Variants in DLEC1 observed in about 807,000 individuals in gnomAD.
DLEC1 encodes the protein DLEC1 cilia and flagella associated protein, also known as deleted in lung and esophageal cancer protein 1.
DLEC1 carries 146 observed loss-of-function variants against 198.1 expected under a neutral mutation model. That is an observed-to-expected ratio of 0.74 (90% CI 0.64 to 0.85). The LOEUF is 0.85. Ranked by LOEUF, DLEC1 falls within the 40% of genes least tolerant of loss-of-function variation. The probability of loss-of-function intolerance (pLI) is 0.00; values close to 1 mark genes in which losing one functional copy is unlikely to be tolerated. For synonymous variants in DLEC1, 897 were observed against 866.8 expected, an observed-to-expected ratio of 1.03 and a Z score of -0.61; for missense variants, 2,233 against 2,220.0, an observed-to-expected ratio of 1.01 and a Z score of -0.12.
intron 6 of DLEC1, among the ~76,000 whole-genome samples, chr3:38,079,336 G>A (rs920400297): frequency 6.6e-6 from 1 of 152,212 alleles, no homozygotes; most frequent in Non-Finnish European, 1.5e-5. Context: ...GGAGTTTTAA[G>A]AGGTTTAGAA....
At chr3:38,070,996 C>T (rs879014473) in intron 6 of DLEC1, among the ~76,000 whole-genome samples, 4 of 151,694 alleles carry the variant, frequency 2.6e-5, no homozygotes, top group East Asian at 1.9e-4. Flanking sequence ...GTTGGGGTGG[C>T]GAAAATTTTT....
At chr3:38,099,830 G>A (rs886876706) in intron 18 of DLEC1, among the ~76,000 whole-genome samples, 2 of 151,906 alleles carry the variant, frequency 1.3e-5, no homozygotes. Flanking sequence ...GGGACAGAAG[G>A]AAGGGGTGGG....
At chr3:38,084,303 GTA>G in intron 7 of DLEC1, 58 bp downstream of exon 7, 3 of 1,440,228 alleles carry the variant, frequency 2.1e-6, no homozygotes. Context: ...GGTGGTATTA[GTA>G]GTAATAGTAG....
At chr3:38,084,462 A>ATAGTAGTGGTGGTGG (rs1698285818) in intron 7 of DLEC1, among the ~76,000 whole-genome samples, 1 of 19,222 alleles carries the variant, frequency 5.2e-5, no homozygotes, top group African/African-American at 2.3e-4. Flanking sequence ...GGTAGTAGTA[A>ATAGTAGTGGTGGTGG]TAGTAGTGGT....
intron 2 of DLEC1, among the ~76,000 whole-genome samples, chr3:38,052,635 C>CA (rs772250514): frequency 2.6e-5 from 4 of 152,198 alleles, no homozygotes; most frequent in Non-Finnish European, 4.4e-5. Flanking sequence ...ACTGCGCCCT[C>CA]AAAGATGATG....
rs746456569 is a variant in DLEC1 at position 38,120,600 on chromosome 3, G to C, written c.4857G>C (p.Gln1619His). 6.2e-7 allele frequency: 1 copy of C among 1,613,308 alleles called. No individual in the cohort carries two copies. Among genetic ancestry groups the C allele is most frequent in the Admixed American group, 1.7e-5 (1 of 60,030 alleles). Residue 1619 changes from glutamine to histidine, a missense_variant, in exon 34 of 37, where the codon CAG becomes CAC. Coordinates refer to ENST00000308059, the MANE Select transcript of DLEC1 (RefSeq NM_007335.4). ...ACCTGCTCCTGGAGTACACCAACCAGACCACTCAGGCACGCCCCAGGCCCA... is the reference window on the plus strand; with the variant it reads ...ACCTGCTCCTGGAGTACACCAACCACACCACTCAGGCACGCCCCAGGCCCA... The part of the protein sequence containing the change: ...TQNLLLEYTN[Q>H]TTQVVPLRAV...
In DLEC1 at chr3:38,093,764, C is replaced by G; in HGVS notation, c.1916C>G (p.Ala639Gly). The G allele has an allele frequency of 6.2e-7, 1 of 1,613,898 alleles. No homozygotes were observed. Among genetic ancestry groups the G allele is most frequent in the Non-Finnish European group, 8.5e-7 (1 of 1,179,984 alleles). Reference protein sequence around the residue: ...TARKQLIIRNATHVELAFYWQ... With the variant: ...TARKQLIIRNGTHVELAFYWQ... Reference sequence around the variant, plus strand: ...AGGAAGCAGCTGATTATTAGAAATGCTACGTGGGTAACCCCTGTGTGTGCC... The same window carrying G: ...AGGAAGCAGCTGATTATTAGAAATGGTACGTGGGTAACCCCTGTGTGTGCC... Residue 639 changes from alanine (A) to glycine (G), a missense_variant, in exon 12 of 37, where the codon GCT (alanine) becomes GGT (glycine). Coordinates refer to ENST00000308059, the MANE Select transcript of DLEC1 (RefSeq NM_007335.4).
chr3:38,039,721 C>G lies in DLEC1; in HGVS notation c.411+85C>G, dbSNP rs1415988176. 2.7e-6 allele frequency: 4 copies of G among 1,491,962 alleles called. No homozygotes were observed. The African/African-American group carries it at 5.6e-5, about 21-fold the overall frequency. 92.4% of individuals were successfully genotyped at this position (1,491,962 alleles called of 1,614,324 possible). ...GTCAGCACCTGCCAGGTGCCAGGCG[C>G]TGTTCCAGGATCTGGGGCTGCAGTT... On this transcript the variant is annotated intron_variant, in intron 1 of 36. Transcript: ENST00000308059.
intron 9 of DLEC1, 142 bp from the exon 10 acceptor site, chr3:38,088,154 A>C (rs563566706): frequency 2.9e-6 from 2 of 694,400 alleles, no homozygotes; most frequent in East Asian, 2.7e-5. Flanking sequence ...AATAAGCCTC[A>C]GTTTTTTCAT....
intron 2 of DLEC1, among the ~76,000 whole-genome samples, chr3:38,049,932 C>A (rs1409837259): frequency 1.3e-5 from 2 of 152,188 alleles, no homozygotes; most frequent in Admixed American, 1.3e-4. Context: ...TCCCAGAAGG[C>A]ACCTCCCACT....
chr3:38,043,724 G>T (rs1274287856), intron 1 of DLEC1, among the ~76,000 whole-genome samples: 1 of 151,712 alleles, frequency 6.6e-6, no homozygotes, highest in African/African-American at 2.4e-5. Context: ...ATGGGGTTTT[G>T]CTCCTGTTGC....
intron 2 of DLEC1, among the ~76,000 whole-genome samples, chr3:38,059,533 TA>T (rs1204635266): frequency 6.6e-6 from 1 of 152,228 alleles, no homozygotes; most frequent in East Asian, 1.9e-4. Context: ...TTAGCTCAAA[TA>T]ATACAACACA....
intron 6 of DLEC1, among the ~76,000 whole-genome samples, chr3:38,064,418 C>T (rs1353605068): frequency 2.6e-5 from 4 of 152,250 alleles, no homozygotes; most frequent in South Asian, 2.1e-4. Context: ...TCTTTCTATA[C>T]AGACACAGTA....
intron 6 of DLEC1, among the ~76,000 whole-genome samples, chr3:38,065,487 G>A (rs2125622850): frequency 6.6e-6 from 1 of 152,328 alleles, no homozygotes; most frequent in East Asian, 1.9e-4. Context: ...CTCCTCATGT[G>A]CCCAATATGC....
At chr3:38,080,614 C>T (rs1025638823) in intron 6 of DLEC1, among the ~76,000 whole-genome samples, 7 of 151,894 alleles carry the variant, frequency 4.6e-5, no homozygotes, top group Admixed American at 1.3e-4. Flanking sequence ...TGGGGCCAAG[C>T]GGTGTTGCAG....
intron 6 of DLEC1, among the ~76,000 whole-genome samples, chr3:38,069,484 AG>A (rs1162769053): frequency 4.6e-5 from 7 of 151,828 alleles, no homozygotes; most frequent in African/African-American, 1.7e-4. Context: ...CCAAACAGTA[AG>A]GAACAACACA....
Position 38,059,792 on chromosome 3 carries a change from C to A in DLEC1, c.613C>A (p.His205Asn). 6.2e-7 allele frequency: 1 copy of A among 1,614,156 alleles called. No individual in the cohort carries two copies. The highest frequency in any genetic ancestry group is 8.5e-7 in the Non-Finnish European group (1 of 1,180,026). Residue 205 changes from histidine to asparagine, a missense_variant, in exon 3 of 37, where the codon CAT becomes AAT. Physicochemically the swap from His to Asn is moderately conservative, Grantham distance 68. Coordinates refer to ENST00000308059, the MANE Select transcript of DLEC1 (RefSeq NM_007335.4). ...AGACAGCGAGTTGCTACGGAAACAT[C>A]ATTTGATCTCCCCAGAAGATTACTA... Reference protein sequence around the residue: ...CIDSELLRKHHLISPEDYYTD... With the variant: ...CIDSELLRKHNLISPEDYYTD...
At position 38,120,584 on chromosome 3, in the gene DLEC1, T is replaced by C; in HGVS notation, c.4841T>C (p.Leu1614Pro). ...ATGGTGTTTACTCAGAACCTGCTCC[T>C]GGAGTACACCAACCAGACCACTCAG... ...REMVFTQNLLLEYTNQTTQVV... is the reference protein window; with the variant it reads ...REMVFTQNLLPEYTNQTTQVV... The change falls in exon 34 of 37, where the codon CTG becomes CCG. Residue 1614 changes from leucine to proline, a missense_variant. Physicochemically the swap from Leu to Pro is moderately conservative, Grantham distance 98. Transcript: ENST00000308059. The C allele has an allele frequency of 2.5e-6, 4 of 1,613,678 alleles. No individual in the cohort carries two copies. The African/African-American group carries it at 5.3e-5, about 22-fold the overall frequency.
intron 3 of DLEC1, among the ~76,000 whole-genome samples, chr3:38,060,750 A>G (rs1355296972): frequency 6.6e-6 from 1 of 151,604 alleles, no homozygotes; most frequent in Non-Finnish European, 1.5e-5. Flanking sequence ...GCTAGAGTGC[A>G]ATGGCACGAT....
Sources: allele counts gnomAD v4.1 joint callset (sites outside exome capture counted in the v4.1 genomes callset), GRCh38; gene constraint gnomAD v4.1.1; transcripts MANE v1.5; gene names NCBI Gene and HGNC (gene_info 2026-07-23, HGNC 2026-07-21).